Variants in ATP10B observed in about 807,000 individuals in gnomAD.
ATP10B encodes the protein phospholipid-transporting ATPase VB.
Under a neutral mutation model 141.2 loss-of-function variants are expected in ATP10B, and 122 were observed. The observed-to-expected ratio is 0.86, with a 90% confidence interval of 0.75 to 1.00. The LOEUF is 1.00. Among genes scored for constraint, ATP10B ranks in the 50% least tolerant of loss-of-function variants. The probability of loss-of-function intolerance (pLI) is 0.00; values close to 1 mark genes in which losing one functional copy is unlikely to be tolerated. For missense variants in ATP10B, 1,876 were observed against 1,825.3 expected (o/e 1.03, Z -0.51); for synonymous variants, 685 against 692.0 (o/e 0.99, Z 0.16).
intron 18 of ATP10B, chr5:160,611,784 T>C (rs892890696): frequency 1.3e-5 from 2 of 152,298 alleles, no homozygotes; most frequent in African/African-American, 4.8e-5. Context: ...GTTTTCTCCA[T>C]GGTATGTCCT....
At chr5:160,612,703 T>C in intron 18 of ATP10B, 38 bp downstream of exon 18, 4 of 1,571,034 alleles carry the variant, frequency 2.5e-6, no homozygotes, top group East Asian at 2.3e-5. Context: ...GCTCTACACG[T>C]TGATATCTGC....
chr5:160,703,872 A>G (rs1004797497), intron 3 of ATP10B, among the ~76,000 whole-genome samples: 8 of 152,362 alleles, frequency 5.3e-5, no homozygotes, highest in African/African-American at 1.7e-4. Context: ...GCCTTCATCC[A>G]TAAACTACAG....
chr5:160,725,725 G>A (rs1338557850), intron 2 of ATP10B, among the ~76,000 whole-genome samples: 3 of 152,160 alleles, frequency 2.0e-5, no homozygotes, highest in South Asian at 2.1e-4. Context: ...GATTACAGGC[G>A]TGAGCCACCA....
At chr5:160,784,873 TTTTC>T (rs1314808209) in intron 2 of ATP10B, among the ~76,000 whole-genome samples, 5 of 152,148 alleles carry the variant, frequency 3.3e-5, no homozygotes, top group Non-Finnish European at 1.5e-5. Context: ...TTTCTTCCTT[TTTTC>T]TTTCTAATAA....
chr5:160,874,679 A>G, the ATP10B span, among the ~76,000 whole-genome samples: 1 of 152,208 alleles, frequency 6.6e-6, no homozygotes, highest in African/African-American at 2.4e-5. Flanking sequence ...CAATACAGAG[A>G]AGCGCTTAAA....
chr5:160,917,070 G>A, the ATP10B span, among the ~76,000 whole-genome samples: 1 of 152,018 alleles, frequency 6.6e-6, no homozygotes, highest in African/African-American at 2.4e-5. Flanking sequence ...TTTCCCCTTT[G>A]CCCACCATGG....
At chr5:160,842,829 A>T (rs1009536535) in intron 1 of ATP10B, among the ~76,000 whole-genome samples, 1 of 151,808 alleles carries the variant, frequency 6.6e-6, no homozygotes, top group Admixed American at 6.6e-5. Flanking sequence ...CACACACAAA[A>T]ATCAGGGCCC....
At chr5:160,893,075 C>T in the ATP10B span, among the ~76,000 whole-genome samples, 1 of 152,172 alleles carries the variant, frequency 6.6e-6, no homozygotes, top group Non-Finnish European at 1.5e-5. Context: ...CCCTCGGGTG[C>T]CTACACCACC....
At chr5:160,575,547 T>C (rs1252570661) in intron 24 of ATP10B, among the ~76,000 whole-genome samples, 1 of 152,150 alleles carries the variant, frequency 6.6e-6, no homozygotes, top group East Asian at 1.9e-4. Context: ...GATACCCTCT[T>C]TGAGCCTCAA....
At chr5:160,595,897 T>G (rs1756656030) in intron 22 of ATP10B, among the ~76,000 whole-genome samples, 1 of 151,614 alleles carries the variant, frequency 6.6e-6, no homozygotes, top group Non-Finnish European at 1.5e-5. Flanking sequence ...GTGGCAATAA[T>G]CAATAGCTTA....
chr5:160,900,101 C>T, the ATP10B span, among the ~76,000 whole-genome samples: 1 of 152,094 alleles, frequency 6.6e-6, no homozygotes, highest in South Asian at 2.1e-4. Context: ...GTAGAAAATC[C>T]ACCACTTCCT....
chr5:160,740,740 G>T (rs988955490), intron 2 of ATP10B, among the ~76,000 whole-genome samples: 1 of 152,180 alleles, frequency 6.6e-6, no homozygotes, highest in Non-Finnish European at 1.5e-5. Context: ...TTTCTTCAGC[G>T]ATTGCAAAGT....
chr5:160,583,594 C>T (rs1430522847), intron 24 of ATP10B, among the ~76,000 whole-genome samples: 2 of 152,224 alleles, frequency 1.3e-5, no homozygotes, highest in African/African-American at 4.8e-5. Flanking sequence ...AGCTGGCCGT[C>T]AGGAACGTTT....
At chr5:160,877,984 T>G in the ATP10B span, among the ~76,000 whole-genome samples, 1 of 151,930 alleles carries the variant, frequency 6.6e-6, no homozygotes, top group East Asian at 1.9e-4. Context: ...TTCAATGCCA[T>G]CCCCATCAAG....
intron 2 of ATP10B, among the ~76,000 whole-genome samples, chr5:160,754,374 A>G (rs1389682170): frequency 6.6e-6 from 1 of 152,184 alleles, no homozygotes; most frequent in Non-Finnish European, 1.5e-5. Flanking sequence ...TTCACTGATC[A>G]TGGGTCAGGA....
intron 2 of ATP10B, among the ~76,000 whole-genome samples, chr5:160,726,708 A>G (rs1195871404): frequency 6.8e-6 from 1 of 148,080 alleles, no homozygotes; most frequent in African/African-American, 2.6e-5. Context: ...GATGAAGAAG[A>G]GAAGGCTGCA....
At chr5:160,896,734 C>CA in the ATP10B span, among the ~76,000 whole-genome samples, 1 of 151,914 alleles carries the variant, frequency 6.6e-6, no homozygotes, top group African/African-American at 2.4e-5. Flanking sequence ...CTGGCAGCAA[C>CA]AAAACAACAA....
chr5:160,862,946 T>C, the ATP10B span, among the ~76,000 whole-genome samples: 1 of 152,004 alleles, frequency 6.6e-6, no homozygotes, highest in African/African-American at 2.4e-5. Flanking sequence ...TTCTAAGATA[T>C]GAATAATAGT....
At chr5:160,733,900 T>C (rs185171783) in intron 2 of ATP10B, among the ~76,000 whole-genome samples, 49 of 151,492 alleles carry the variant, frequency 3.2e-4, no homozygotes, top group African/African-American at 1.1e-3. Context: ...GGTCAAGAGA[T>C]CGAGACCATC....
Sources: allele counts gnomAD v4.1 joint callset (sites outside exome capture counted in the v4.1 genomes callset), GRCh38; gene constraint gnomAD v4.1.1; transcripts MANE v1.5; gene names NCBI Gene and HGNC (gene_info 2026-07-23, HGNC 2026-07-21).